Variants in PDZD7 observed in about 807,000 individuals in gnomAD.
PDZD7 encodes PDZ domain-containing protein 7.
A neutral mutation model predicts 84.7 loss-of-function variants in PDZD7; 72 were observed. The ratio of observed to expected loss-of-function variants is 0.85; its 90% CI spans 0.70 to 1.03. The LOEUF is 1.03. PDZD7 is among the 50% of genes least tolerant of loss of function. The pLI is 0.00. For synonymous variants in PDZD7, 594 were observed against 580.7 expected, an observed-to-expected ratio of 1.02 and a Z score of -0.33; for missense variants, 1,490 against 1,412.9, an observed-to-expected ratio of 1.05 and a Z score of -0.87.
At chr10:101,009,894 A>T (rs1166771810) in intron 15 of PDZD7, among the ~76,000 whole-genome samples, 1 of 147,848 alleles carries the variant, frequency 6.8e-6, no homozygotes, top group East Asian at 2.1e-4. Context: ...GGCGTGAGCC[A>T]CCGCGCCCGG....
intron 2 of PDZD7, among the ~76,000 whole-genome samples, chr10:101,026,953 G>A (rs1372497835): frequency 6.6e-6 from 1 of 152,042 alleles, no homozygotes; most frequent in Non-Finnish European, 1.5e-5. Context: ...AGGGCCCTAG[G>A]TCAGGGAATG....
At chr10:101,013,470 G>A (rs1590048763) in intron 11 of PDZD7, among the ~76,000 whole-genome samples, 1 of 152,346 alleles carries the variant, frequency 6.6e-6, no homozygotes, top group East Asian at 1.9e-4. Flanking sequence ...GGGCTTCATG[G>A]AGGTGGTGGT....
rs1852296228 is a variant in PDZD7, at chr10:101,008,749, C to T, written c.2820G>A (p.Arg940=). 1 of 1,535,758 alleles carries T rather than the reference C, an allele frequency of 6.5e-7. No individual in the cohort carries two copies. The highest frequency in any genetic ancestry group is 8.7e-7 in the Non-Finnish European group (1 of 1,146,762). Residue 940 remains arginine, a synonymous_variant, in exon 17 of 17, where the codon CGG becomes CGA. Coordinates refer to ENST00000619208, the MANE Select transcript of PDZD7 (RefSeq NM_001195263.2). ...CCCTGACCACAAGCTCCATGGGCTC[C>T]CGGGCCTTGTTTCGATAAGCCCGAC... is the stretch of plus-strand genomic sequence containing the variant. ...TIRRAYRNKA[R]EPMELVVRVP...
rs745512974 is a variant in PDZD7, at chr10:101,008,797, G to A, written c.2772C>T (p.His924=). The A allele has an allele frequency of 6.3e-5, 96 of 1,529,844 alleles. No individual in the cohort carries two copies. Among genetic ancestry groups the A allele is most frequent in the Middle Eastern group, 3.3e-4 (2 of 5,980 alleles). 94.8% of individuals were successfully genotyped at this position (1,529,844 alleles called of 1,614,324 possible). ...GACGGATGGTGTCTACTGCACGCTG[G>A]TGGGTCACCTGCTCTAGATTCTCTC... ...VDGENLEQVT[H]QRAVDTIRRA... Residue 924 remains histidine, a synonymous_variant, in exon 17 of 17, where the codon CAC becomes CAT. Transcript: ENST00000619208.
At position 101,011,729 on chromosome 10, in the gene PDZD7, C is replaced by G; in HGVS notation, c.1966G>C (p.Asp656His). Residue 656 changes from aspartate (D) to histidine (H), a missense_variant, in exon 14 of 17, where the codon GAC becomes CAC. By Grantham distance (81) the Asp-to-His change is moderately conservative (BLOSUM62 -1). Transcript: ENST00000619208. ...RPPALRPARQ[D>H]TPPKRHLITP... ...ATAAGGTGACGCTTGGGTGGCGTGT[C>G]CTGCCGGGCTGGTCTCAAAGCAGGA... 2 of 1,545,388 alleles carry G rather than the reference C, an allele frequency of 1.3e-6. No individual in the cohort carries two copies. The highest frequency in any genetic ancestry group is 8.7e-7 in the Non-Finnish European group (1 of 1,146,936).
intron 2 of PDZD7, among the ~76,000 whole-genome samples, chr10:101,026,129 C>T (rs1236780002): frequency 7.3e-5 from 11 of 151,724 alleles, no homozygotes; most frequent in African/African-American, 1.2e-4. Context: ...TTGAACCTGT[C>T]GGGGAAGAAT....
chr10:101,024,140 T>C, intron 2 of PDZD7, 72 bp from the exon 3 acceptor site: 1 of 1,610,620 alleles, frequency 6.2e-7, no homozygotes, highest in Non-Finnish European at 8.5e-7. Flanking sequence ...TTCCCCAACT[T>C]GGGGCCTGCA....
At chr10:101,008,984 T>A in intron 16 of PDZD7, 134 bp from the exon 17 acceptor site, 1 of 1,187,668 alleles carries the variant, frequency 8.4e-7, no homozygotes, top group Non-Finnish European at 1.1e-6. Context: ...GGATGGACAA[T>A]GAGACTTTTG....
At chr10:101,014,671 G>GAC (rs3051191) in intron 11 of PDZD7, among the ~76,000 whole-genome samples, 2,372 of 149,082 alleles carry the variant, frequency 0.016, 46 homozygotes, top group African/African-American at 0.047. Flanking sequence ...ACAATGCATG[G>GAC]ACACACACAC....
chr10:101,024,561 A>G (rs1002698782), intron 2 of PDZD7, among the ~76,000 whole-genome samples: 4 of 152,044 alleles, frequency 2.6e-5, no homozygotes, highest in Non-Finnish European at 5.9e-5. Context: ...TGATTTTGAG[A>G]CCATGGGCCA....
intron 1 of PDZD7, 58 bp from the exon 2 acceptor site, chr10:101,030,442 A>G (rs1938063945): frequency 1.5e-6 from 1 of 665,334 alleles, no homozygotes; most frequent in Non-Finnish European, 2.8e-6. Context: ...GCTGCCCCCT[A>G]AAACTTCCAC....
chr10:101,021,760 C>T, intron 6 of PDZD7, 38 bp downstream of exon 6: 2 of 1,614,190 alleles, frequency 1.2e-6, no homozygotes, highest in Non-Finnish European at 1.7e-6. Flanking sequence ...AGCCCCTACT[C>T]TAGCCTCACC....
At chr10:101,021,693 T>A (rs1299295082) in intron 6 of PDZD7, 105 bp downstream of exon 6, 1 of 1,528,080 alleles carries the variant, frequency 6.5e-7, no homozygotes, top group East Asian at 2.3e-5. Context: ...TACCTTCTAG[T>A]GGCTGTGGGA....
At chr10:101,019,924 CTTTT>C (rs558038621) in intron 7 of PDZD7, among the ~76,000 whole-genome samples, 1 of 138,126 alleles carries the variant, frequency 7.2e-6, no homozygotes, top group Non-Finnish European at 1.6e-5. Flanking sequence ...CCGCGCCAGG[CTTTT>C]TTTTTTTTTT....
At chr10:101,022,554 T>C (rs1311291612) in intron 4 of PDZD7, among the ~76,000 whole-genome samples, 169 bp from the exon 5 acceptor site, 1 of 151,832 alleles carries the variant, frequency 6.6e-6, no homozygotes, top group Non-Finnish European at 1.5e-5. Flanking sequence ...CCAGCCTAAT[T>C]GCCTCTTTTT....
intron 3 of PDZD7, 81 bp from the exon 4 acceptor site, chr10:101,023,691 T>A: frequency 1.3e-6 from 2 of 1,541,138 alleles, no homozygotes; most frequent in Non-Finnish European, 1.8e-6. Context: ...CTCCCTGGGG[T>A]CAAACTGAGC....
intron 2 of PDZD7, among the ~76,000 whole-genome samples, chr10:101,025,914 G>A (rs551340623): frequency 6.6e-6 from 1 of 152,228 alleles, no homozygotes; most frequent in African/African-American, 2.4e-5. Flanking sequence ...CTGGGACCCA[G>A]CAAATCTCTG....
chr10:101,026,529 C>A (rs2134127249), intron 2 of PDZD7, among the ~76,000 whole-genome samples: 1 of 151,912 alleles, frequency 6.6e-6, no homozygotes, highest in Middle Eastern at 3.4e-3. Context: ...CAGGGAGGCT[C>A]AGCTGTGGGC....
chr10:101,018,780 A>G, intron 8 of PDZD7, 42 bp downstream of exon 8: 1 of 1,539,914 alleles, frequency 6.5e-7, no homozygotes. Context: ...GTTTTGGACC[A>G]GAGGCTGTGG....
Sources: allele counts gnomAD v4.1 joint callset (sites outside exome capture counted in the v4.1 genomes callset), GRCh38; gene constraint gnomAD v4.1.1; transcripts MANE v1.5; gene names NCBI Gene and HGNC (gene_info 2026-07-23, HGNC 2026-07-21).